Variants in EPHA3 observed in about 807,000 individuals in gnomAD.
EPHA3 encodes ephrin type-A receptor 3.
Under a neutral mutation model 107.1 loss-of-function variants are expected in EPHA3, and 42 were observed. That is an observed-to-expected ratio of 0.39 (90% CI 0.31 to 0.51). The LOEUF is 0.51. EPHA3 is among the 20% of genes least tolerant of loss of function. The probability of loss-of-function intolerance (pLI) is 0.78; values close to 1 mark genes in which losing one functional copy is unlikely to be tolerated. For synonymous variants in EPHA3, 461 were observed against 424.8 expected, an observed-to-expected ratio of 1.09 and a Z score of -1.05; for missense variants, 1,183 against 1,211.2, an observed-to-expected ratio of 0.98 and a Z score of 0.35.
At chr3:89,209,525 A>C (rs1706214445) in intron 2 of EPHA3, among the ~76,000 whole-genome samples, 1 of 152,144 alleles carries the variant, frequency 6.6e-6, no homozygotes, top group South Asian at 2.1e-4. Flanking sequence ...TGAGAAAAAC[A>C]CCCAAAAACA....
At chr3:89,141,588 C>A (rs1704432214) in intron 2 of EPHA3, among the ~76,000 whole-genome samples, 1 of 151,550 alleles carries the variant, frequency 6.6e-6, no homozygotes, top group Non-Finnish European at 1.5e-5. Flanking sequence ...GCTAATGGTG[C>A]TTGTCCAAAG....
intron 2 of EPHA3, among the ~76,000 whole-genome samples, chr3:89,203,283 G>A (rs576347900): frequency 6.9e-6 from 1 of 145,252 alleles, no homozygotes; most frequent in South Asian, 2.2e-4. Context: ...CTGGGAAGCA[G>A]TATTTTAAAA....
chr3:89,172,112 G>A (rs537412079), intron 2 of EPHA3, among the ~76,000 whole-genome samples: 1 of 151,556 alleles, frequency 6.6e-6, no homozygotes, highest in South Asian at 2.1e-4. Flanking sequence ...GAAACTGAAA[G>A]TAATCTAGAA....
intron 3 of EPHA3, among the ~76,000 whole-genome samples, chr3:89,254,374 T>C (rs1362481707): frequency 2.0e-5 from 3 of 152,166 alleles, no homozygotes; most frequent in Admixed American, 1.3e-4. Flanking sequence ...TTACTCTGAA[T>C]AATGGGAGGA....
intron 3 of EPHA3, among the ~76,000 whole-genome samples, chr3:89,328,139 T>C (rs1474078159): frequency 1.3e-5 from 2 of 151,940 alleles, no homozygotes; most frequent in Non-Finnish European, 2.9e-5. Context: ...ACTCAAATAA[T>C]TTATGCAATC....
At chr3:89,227,480 A>C (rs967344880) in intron 3 of EPHA3, among the ~76,000 whole-genome samples, 2 of 152,026 alleles carry the variant, frequency 1.3e-5, no homozygotes, top group Non-Finnish European at 2.9e-5. Flanking sequence ...ATCGAAGTAA[A>C]GAACTTGTAC....
chr3:89,133,466 A>C (rs1704248098), intron 2 of EPHA3, among the ~76,000 whole-genome samples: 1 of 152,214 alleles, frequency 6.6e-6, no homozygotes, highest in African/African-American at 2.4e-5. Context: ...CTGTAGAATA[A>C]AAATCTGTGC....
At chr3:89,338,749 G>A (rs527369207) in intron 3 of EPHA3, among the ~76,000 whole-genome samples, 1 of 152,192 alleles carries the variant, frequency 6.6e-6, no homozygotes, top group Non-Finnish European at 1.5e-5. Context: ...GGGTTTCACC[G>A]TGTTAGCCAA....
intron 3 of EPHA3, among the ~76,000 whole-genome samples, chr3:89,241,281 C>A (rs2107244198): frequency 6.6e-6 from 1 of 152,234 alleles, no homozygotes; most frequent in South Asian, 2.1e-4. Flanking sequence ...AATTTTCACA[C>A]CACACACCAA....
rs1704351875 is a variant in EPHA3, at chr3:89,137,974, G to T, written c.153+10701G>T. Among the ~76,000 whole-genome samples the T allele has an allele frequency of 1.3e-5, 2 of 151,842 alleles. 1 individual carries two copies. The highest frequency in any genetic ancestry group is 4.1e-4 in the South Asian group (2 of 4,834). ...CCCTGAGGATGGGGCCCAGCAATAG[G>T]ATTTTTAATAGGCTGTCCATGGGAT... is the stretch of plus-strand genomic sequence containing the variant. On this transcript the variant is annotated intron_variant, in intron 2 of 16. Coordinates refer to ENST00000336596, the MANE Select transcript of EPHA3 (RefSeq NM_005233.6).
In EPHA3 at chr3:89,471,769, T is replaced by C. The variant is rs570962529; in HGVS notation, c.2691-695T>C. Among the ~76,000 whole-genome samples the C allele has an allele frequency of 2.0e-5, 3 of 149,646 alleles. No homozygotes were observed. In the South Asian group the frequency reaches 6.2e-4, roughly 31 times the overall value. ...TGTGTGTGTGTATATATATAAAATA[T>C]TATGTATATATCATGTGTATATAAA... is the stretch of plus-strand genomic sequence containing the variant. On this transcript the variant is annotated intron_variant, in intron 15 of 16. Transcript: ENST00000336596.
At chr3:89,429,311 C>T in intron 12 of EPHA3, 144 bp downstream of exon 12, 1 of 519,956 alleles carries the variant, frequency 1.9e-6, no homozygotes, top group Non-Finnish European at 3.3e-6. Context: ...CAGAGAAGGG[C>T]TGTAAAATTG....
chr3:89,380,245 A>G (rs1240055648), intron 5 of EPHA3, among the ~76,000 whole-genome samples: 1 of 152,224 alleles, frequency 6.6e-6, no homozygotes, highest in Non-Finnish European at 1.5e-5. Context: ...TGTGATATGT[A>G]TAAGGACAGT....
intron 2 of EPHA3, among the ~76,000 whole-genome samples, chr3:89,141,244 A>G (rs984047228): frequency 1.3e-5 from 2 of 151,578 alleles, no homozygotes; most frequent in African/African-American, 4.8e-5. Flanking sequence ...ATCTTAATGC[A>G]AAATTGTTAT....
intron 3 of EPHA3, among the ~76,000 whole-genome samples, chr3:89,305,100 T>G (rs547100570): frequency 6.6e-6 from 1 of 152,310 alleles, no homozygotes; most frequent in African/African-American, 2.4e-5. Context: ...TCTCCTGCAT[T>G]CGGAATTGTT....
intron 3 of EPHA3, among the ~76,000 whole-genome samples, chr3:89,329,159 A>T (rs895921736): frequency 1.3e-5 from 2 of 152,166 alleles, no homozygotes; most frequent in African/African-American, 4.8e-5. Context: ...ATCTCTACTA[A>T]GAAATAGGGT....
At chr3:89,476,647 G>A (rs893409416) in intron 16 of EPHA3, among the ~76,000 whole-genome samples, 2 of 146,500 alleles carry the variant, frequency 1.4e-5, no homozygotes, top group Non-Finnish European at 3.0e-5. Context: ...TCGCTCTGTC[G>A]CCCAGGCTGG....
chr3:89,219,735 G>C (rs1227223145), intron 3 of EPHA3, among the ~76,000 whole-genome samples: 1 of 25,692 alleles, frequency 3.9e-5, no homozygotes, highest in African/African-American at 8.8e-5. Flanking sequence ...TTGAGACGGA[G>C]TCTCGCTCTG....
At chr3:89,284,218 C>T (rs1435698503) in intron 3 of EPHA3, among the ~76,000 whole-genome samples, 1 of 152,070 alleles carries the variant, frequency 6.6e-6, no homozygotes, top group East Asian at 1.9e-4. Context: ...CATTAATTAA[C>T]TACACATTTG....
Sources: allele counts gnomAD v4.1 joint callset (sites outside exome capture counted in the v4.1 genomes callset), GRCh38; gene constraint gnomAD v4.1.1; transcripts MANE v1.5; gene names NCBI Gene and HGNC (gene_info 2026-07-23, HGNC 2026-07-21).